IL1RAPL1: variants seen among roughly 807,000 people sequenced by gnomAD.
IL1RAPL1 encodes the protein interleukin 1 receptor accessory protein like 1.
IL1RAPL1 carries 3 observed loss-of-function variants against 48.4 expected under a neutral mutation model. The observed-to-expected ratio is 0.06, with a 90% CI of 0.03 to 0.16. The LOEUF (loss-of-function observed/expected upper bound fraction) is 0.16, where lower values mean the gene tolerates loss of function less well. Among genes scored for constraint, IL1RAPL1 ranks in the 10% least tolerant of loss-of-function variants. The pLI is 1.00. For missense variants in IL1RAPL1, 349 were observed against 530.6 expected (o/e 0.66, Z 3.36); for synonymous variants, 185 against 187.7 (o/e 0.99, Z 0.12).
chrX:29,193,663 A>G (rs1162209525), intron 2 of IL1RAPL1, among the ~76,000 whole-genome samples: 1 of 111,115 alleles, frequency 9.0e-6, no homozygotes, highest in African/African-American at 3.3e-5. Context: ...ACAAGGGAGT[A>G]ATTTTATGAT....
rs142593640 is a variant in IL1RAPL1, at chrX:29,497,830, A to G, written c.703+98522A>G. On this transcript the variant is annotated intron_variant, in intron 5 of 10. Transcript: ENST00000378993. ...CTAAACTGCTAACTGGTTCATCTTA[A>G]ATTTGGTGATCCTCTATAGTTTAAT... Among the ~76,000 whole-genome samples the G allele has an allele frequency of 3.0e-4, 33 of 111,707 alleles. No individual in the cohort carries two copies. The East Asian group carries it at 7.9e-3, about 27-fold the overall frequency.
chrX:28,998,521 A>G (rs1224139278), intron 2 of IL1RAPL1, among the ~76,000 whole-genome samples: 1 of 111,990 alleles, frequency 8.9e-6, no homozygotes. Flanking sequence ...TCTATATGTG[A>G]TAATATGTTT....
At chrX:29,802,898 T>TGTATAC (rs1367946277) in intron 6 of IL1RAPL1, among the ~76,000 whole-genome samples, 30 of 56,932 alleles carry the variant, frequency 5.3e-4, no homozygotes, top group African/African-American at 2.4e-3. Flanking sequence ...TGTATACATA[T>TGTATAC]ATATGTGTAT....
At chrX:29,517,252 T>C (rs1935455470) in intron 5 of IL1RAPL1, among the ~76,000 whole-genome samples, 1 of 110,830 alleles carries the variant, frequency 9.0e-6, no homozygotes, top group South Asian at 3.8e-4. Flanking sequence ...CTTGCATTTA[T>C]CTAAAAATTA....
chrX:29,912,843 C>T (rs1932767676), intron 6 of IL1RAPL1, among the ~76,000 whole-genome samples: 1 of 111,989 alleles, frequency 8.9e-6, no homozygotes, highest in African/African-American at 3.2e-5. Flanking sequence ...TTATTACTTT[C>T]ATAACTACTA....
At chrX:28,906,522 G>A (rs1923219905) in intron 2 of IL1RAPL1, among the ~76,000 whole-genome samples, 1 of 111,591 alleles carries the variant, frequency 9.0e-6, no homozygotes, top group African/African-American at 3.3e-5. Context: ...GCATTAAGAA[G>A]GAAGTAAGTG....
intron 6 of IL1RAPL1, among the ~76,000 whole-genome samples, chrX:29,821,013 T>A (rs906625940): frequency 5.4e-5 from 6 of 111,972 alleles, no homozygotes; most frequent in African/African-American, 1.9e-4. Flanking sequence ...AAAGCTTTGA[T>A]GTGTCTTTGG....
intron 1 of IL1RAPL1, among the ~76,000 whole-genome samples, chrX:28,634,198 T>C (rs968998165): frequency 2.7e-5 from 3 of 109,333 alleles, no homozygotes; most frequent in African/African-American, 6.7e-5. Flanking sequence ...TTAGTAGAGA[T>C]CATGTTGGCC....
At chrX:29,098,453 A>T (rs1237538819) in intron 2 of IL1RAPL1, among the ~76,000 whole-genome samples, 4 of 112,290 alleles carry the variant, frequency 3.6e-5, no homozygotes, top group Non-Finnish European at 5.6e-5. Context: ...CATTTTATTT[A>T]TTTGGAAATA....
chrX:29,593,417 G>A (rs1923445002), intron 5 of IL1RAPL1, among the ~76,000 whole-genome samples: 1 of 112,067 alleles, frequency 8.9e-6, no homozygotes, highest in Non-Finnish European at 1.9e-5. Flanking sequence ...GAGGGTTTCA[G>A]TGGAAAACTT....
At chrX:29,346,176 T>C (rs1263259969) in intron 3 of IL1RAPL1, among the ~76,000 whole-genome samples, 2 of 112,241 alleles carry the variant, frequency 1.8e-5, no homozygotes, top group Admixed American at 9.5e-5. Flanking sequence ...TATGATTACA[T>C]TGGGCTGATC....
chrX:28,671,148 T>C (rs1934943713), intron 1 of IL1RAPL1, among the ~76,000 whole-genome samples: 2 of 111,931 alleles, frequency 1.8e-5, no homozygotes, highest in Admixed American at 9.5e-5. Context: ...TGCCTTGAAA[T>C]TGTAATGAAA....
intron 2 of IL1RAPL1, among the ~76,000 whole-genome samples, chrX:28,992,502 G>GAAAAAAAAAAAAAAAAA (rs60650174): frequency 4.0e-5 from 2 of 49,574 alleles, no homozygotes; most frequent in Admixed American, 2.7e-4. Flanking sequence ...AAAAAAAAAA[G>GAAAAAAAAAAAAAAAAA]AAAAAAAAAA....
At chrX:28,901,009 A>G (rs1028955551) in intron 2 of IL1RAPL1, among the ~76,000 whole-genome samples, 3 of 112,302 alleles carry the variant, frequency 2.7e-5, no homozygotes, top group East Asian at 5.6e-4. Flanking sequence ...AATAAATTTG[A>G]TAATTAACAG....
intron 2 of IL1RAPL1, among the ~76,000 whole-genome samples, chrX:28,848,143 A>G (rs1345459694): frequency 9.0e-6 from 1 of 110,715 alleles, no homozygotes; most frequent in African/African-American, 3.3e-5. Flanking sequence ...GGAGGGGAAC[A>G]TCACACACTG....
intron 6 of IL1RAPL1, among the ~76,000 whole-genome samples, chrX:29,890,469 G>A (rs143848040): frequency 0.026 from 2,920 of 111,638 alleles, 43 homozygotes; most frequent in Non-Finnish European, 0.034. Flanking sequence ...TTCTTACTCT[G>A]GAAGGACTAA....
At chrX:29,533,458 A>C (rs776055712) in intron 5 of IL1RAPL1, among the ~76,000 whole-genome samples, 5 of 112,708 alleles carry the variant, frequency 4.4e-5, no homozygotes, top group Non-Finnish European at 7.5e-5. Context: ...TTTCTAAATA[A>C]TATTCCATTG....
At chrX:29,384,870 T>A (rs1342466372) in intron 3 of IL1RAPL1, among the ~76,000 whole-genome samples, 1 of 112,109 alleles carries the variant, frequency 8.9e-6, no homozygotes, top group East Asian at 2.8e-4. Context: ...AGACACAACA[T>A]AGAAATGGAA....
At chrX:29,816,978 G>GTA (rs35793039) in intron 6 of IL1RAPL1, among the ~76,000 whole-genome samples, 2,282 of 104,488 alleles carry the variant, frequency 0.022, 16 homozygotes, top group Non-Finnish European at 0.024. Flanking sequence ...TTATGTGTGT[G>GTA]TATATATATA....
Sources: allele counts gnomAD v4.1 joint callset (sites outside exome capture counted in the v4.1 genomes callset), GRCh38; gene constraint gnomAD v4.1.1; transcripts MANE v1.5; gene names NCBI Gene and HGNC (gene_info 2026-07-23, HGNC 2026-07-21).